PPARGC1A: variants seen among roughly 807,000 people sequenced by gnomAD.
The protein encoded by PPARGC1A is PPARG coactivator 1 alpha.
In PPARGC1A, 25 loss-of-function variants were observed where a neutral mutation model predicts 88.7. That is an observed-to-expected ratio of 0.28 (90% CI 0.21 to 0.39). The LOEUF is 0.39. Among genes scored for constraint, PPARGC1A ranks in the 10% least tolerant of loss-of-function variants. The pLI is 1.00. For synonymous variants in PPARGC1A, 363 were observed against 355.6 expected, an observed-to-expected ratio of 1.02 and a Z score of -0.24; for missense variants, 880 against 968.7, an observed-to-expected ratio of 0.91 and a Z score of 1.22.
At chr4:23,798,332 T>G (rs912208629) in intron 12 of PPARGC1A, among the ~76,000 whole-genome samples, 1 of 152,152 alleles carries the variant, frequency 6.6e-6, no homozygotes, top group East Asian at 1.9e-4. Flanking sequence ...ACAAATCACA[T>G]CACACTTATA....
chr4:23,908,627 G>A (rs911506880), upstream of PPARGC1A, among the ~76,000 whole-genome samples: 2 of 151,956 alleles, frequency 1.3e-5, no homozygotes, highest in Non-Finnish European at 2.9e-5. Flanking sequence ...CACGTCAAAG[G>A]GTGCAGAACA....
the PPARGC1A span, among the ~76,000 whole-genome samples, chr4:24,334,451 T>C: frequency 3.9e-5 from 6 of 152,194 alleles, no homozygotes; most frequent in Admixed American, 3.9e-4. Flanking sequence ...AAAAGGACAG[T>C]GGTGTCTAAG....
At chr4:24,418,975 T>C in the PPARGC1A span, among the ~76,000 whole-genome samples, 3 of 152,202 alleles carry the variant, frequency 2.0e-5, no homozygotes, top group Admixed American at 6.5e-5. Context: ...ACACTCTTAG[T>C]AGATTCTTTG....
At chr4:24,166,116 T>C in the PPARGC1A span, among the ~76,000 whole-genome samples, 3 of 152,278 alleles carry the variant, frequency 2.0e-5, no homozygotes, top group African/African-American at 7.2e-5. Flanking sequence ...ATTGCCAATA[T>C]GGAGAAAGTT....
the PPARGC1A span, among the ~76,000 whole-genome samples, chr4:24,121,883 C>T: frequency 2.0e-5 from 3 of 152,166 alleles, no homozygotes; most frequent in Non-Finnish European, 4.4e-5. Context: ...GGAGAACAAT[C>T]TGATTTTAGC....
chr4:24,060,459 G>A, the PPARGC1A span, among the ~76,000 whole-genome samples: 16 of 152,264 alleles, frequency 1.1e-4, 2 homozygotes, highest in East Asian at 3.1e-3. Context: ...TTTGGTTGAT[G>A]TGCCTATATA....
the PPARGC1A span, among the ~76,000 whole-genome samples, chr4:24,455,474 A>C: frequency 6.6e-6 from 1 of 152,228 alleles, no homozygotes; most frequent in Admixed American, 6.5e-5. Flanking sequence ...AGCAAAAGCA[A>C]GTCTCTGAAA....
the PPARGC1A span, among the ~76,000 whole-genome samples, chr4:24,208,986 C>A: frequency 6.6e-6 from 1 of 152,108 alleles, no homozygotes; most frequent in Non-Finnish European, 1.5e-5. Flanking sequence ...TACAGATATA[C>A]CTAATTCTAG....
At chr4:24,215,044 T>C in the PPARGC1A span, among the ~76,000 whole-genome samples, 3 of 152,240 alleles carry the variant, frequency 2.0e-5, no homozygotes, top group South Asian at 2.1e-4. Context: ...TTAATCACCA[T>C]TGAACAGAGC....
At chr4:24,211,709 G>T in the PPARGC1A span, among the ~76,000 whole-genome samples, 3 of 152,060 alleles carry the variant, frequency 2.0e-5, no homozygotes, top group East Asian at 5.8e-4. Context: ...TAACCATTTT[G>T]TCCCTCCATC....
At chr4:23,984,585 A>G in the PPARGC1A span, among the ~76,000 whole-genome samples, 90 of 152,256 alleles carry the variant, frequency 5.9e-4, no homozygotes, top group African/African-American at 2.1e-3. Flanking sequence ...ATAAATTTTT[A>G]AAAATTGTCA....
the PPARGC1A span, among the ~76,000 whole-genome samples, chr4:24,471,925 G>A: frequency 6.6e-6 from 1 of 152,210 alleles, no homozygotes; most frequent in Non-Finnish European, 1.5e-5. The surrounding 1 kb of genome is among the most constrained non-coding windows in gnomAD (Gnocchi z 5.4). Flanking sequence ...AGTGGAGGGG[G>A]GACAGCACGT....
At chr4:23,913,267 T>TATATATATAG in the PPARGC1A span, among the ~76,000 whole-genome samples, 1 of 77,510 alleles carries the variant, frequency 1.3e-5, no homozygotes, top group African/African-American at 5.6e-5. Flanking sequence ...TATATATATA[T>TATATATATAG]AGAGAGAGAG....
At chr4:24,176,856 A>G in the PPARGC1A span, among the ~76,000 whole-genome samples, 1 of 152,202 alleles carries the variant, frequency 6.6e-6, no homozygotes, top group Non-Finnish European at 1.5e-5. Context: ...GCCCTGTTTT[A>G]CACATTCTGC....
At chr4:24,417,043 AG>A in the PPARGC1A span, among the ~76,000 whole-genome samples, 1 of 151,202 alleles carries the variant, frequency 6.6e-6, no homozygotes, top group African/African-American at 2.4e-5. Context: ...AAAAAAAAAA[AG>A]GGAAAGAGTG....
chr4:24,071,153 C>T, the PPARGC1A span, among the ~76,000 whole-genome samples: 2 of 152,108 alleles, frequency 1.3e-5, no homozygotes, highest in African/African-American at 2.4e-5. Flanking sequence ...GACATCCTAT[C>T]GACTCTTGCC....
the PPARGC1A span, among the ~76,000 whole-genome samples, chr4:23,970,665 C>G: frequency 6.6e-6 from 1 of 152,126 alleles, no homozygotes; most frequent in Non-Finnish European, 1.5e-5. Context: ...TTGCCTTGAT[C>G]AATTTATTCT....
At chr4:24,099,500 T>C in the PPARGC1A span, among the ~76,000 whole-genome samples, 2 of 152,002 alleles carry the variant, frequency 1.3e-5, no homozygotes, top group African/African-American at 4.8e-5. Context: ...GGAGCACGGA[T>C]GGGATGAAAG....
the PPARGC1A span, among the ~76,000 whole-genome samples, chr4:24,385,588 C>T: frequency 6.6e-6 from 1 of 152,126 alleles, no homozygotes; most frequent in Non-Finnish European, 1.5e-5. Flanking sequence ...GAAATACAAA[C>T]TACCATCAGA....
Sources: gnomAD v4.1 joint callset for allele counts (sites outside exome capture counted in the v4.1 genomes callset) on GRCh38, gnomAD v4.1.1 for gene constraint, Gnocchi (gnomAD v3.1) non-coding constraint, MANE v1.5 for transcripts, NCBI Gene and HGNC (gene_info 2026-07-23, HGNC 2026-07-21) for gene names.